TSPAN11: variants seen among roughly 807,000 people sequenced by gnomAD.
TSPAN11 encodes tetraspanin 11, also known as tetraspanin-11.
In TSPAN11, 29 loss-of-function variants were observed where a neutral mutation model predicts 32.9. That is an observed-to-expected ratio of 0.88 (90% CI 0.66 to 1.20). The LOEUF is 1.20. TSPAN11 is among the 50% of genes most tolerant of loss of function. The pLI, the probability that TSPAN11 is intolerant of heterozygous loss-of-function variation, is 0.00. For missense variants in TSPAN11, 283 were observed against 329.1 expected, an observed-to-expected ratio of 0.86 and a Z score of 1.08; for synonymous variants, 140 against 141.3, an observed-to-expected ratio of 0.99 and a Z score of 0.07.
intron 7 of TSPAN11, among the ~76,000 whole-genome samples, chr12:30,986,444 C>A (rs1419029793): frequency 1.3e-5 from 2 of 152,218 alleles, no homozygotes; most frequent in Non-Finnish European, 2.9e-5. Flanking sequence ...AGTACATAAA[C>A]CATAGGAGGT....
At chr12:30,976,642 C>T (rs1266165623) in intron 3 of TSPAN11, among the ~76,000 whole-genome samples, 4 of 152,170 alleles carry the variant, frequency 2.6e-5, no homozygotes, top group African/African-American at 9.7e-5. Flanking sequence ...GTGGAAAGTC[C>T]GTAGGGCAGA....
At chr12:30,944,179 T>C (rs1431817776) in intron 1 of TSPAN11, among the ~76,000 whole-genome samples, 7 of 152,198 alleles carry the variant, frequency 4.6e-5, no homozygotes, top group African/African-American at 7.2e-5. Context: ...ATATATACAT[T>C]GTGGAATGAC....
intron 7 of TSPAN11, chr12:30,988,519 G>GTGGAGGTTA: frequency 6.6e-6 from 1 of 152,162 alleles, no homozygotes; most frequent in Non-Finnish European, 1.5e-5. Flanking sequence ...AACCCGGGAG[G>GTGGAGGTTA]TGGAGGTTAC....
At chr12:30,954,137 GT>G (rs770526037) in intron 2 of TSPAN11, 62 bp downstream of exon 2, 3 of 1,256,606 alleles carry the variant, frequency 2.4e-6, no homozygotes, top group Admixed American at 1.7e-5. Flanking sequence ...GCCACCTTTT[GT>G]TTTTTTGTGT....
intron 1 of TSPAN11, among the ~76,000 whole-genome samples, chr12:30,933,516 G>C (rs564300352): frequency 6.6e-6 from 1 of 152,320 alleles, no homozygotes; most frequent in South Asian, 2.1e-4. Context: ...TGGGGATGGG[G>C]AAGGGGAGGA....
At chr12:30,979,725 G>T in intron 5 of TSPAN11, 55 bp downstream of exon 5, 2 of 1,580,458 alleles carry the variant, frequency 1.3e-6, no homozygotes, top group Middle Eastern at 1.7e-4. Context: ...TTCAAATCCC[G>T]ACTGTTCTTT....
chr12:30,968,344 C>T (rs1247060730), intron 3 of TSPAN11, among the ~76,000 whole-genome samples: 3 of 152,240 alleles, frequency 2.0e-5, no homozygotes, highest in Non-Finnish European at 4.4e-5. Context: ...GATGTCTGTC[C>T]TGGCACAGCC....
chr12:30,934,889 T>C (rs577762497), intron 1 of TSPAN11, among the ~76,000 whole-genome samples: 1 of 152,184 alleles, frequency 6.6e-6, no homozygotes, highest in Admixed American at 6.5e-5. Flanking sequence ...GAGAGGGACC[T>C]CCTGAATCTA....
intron 1 of TSPAN11, among the ~76,000 whole-genome samples, chr12:30,943,405 C>T (rs1938206362): frequency 6.6e-6 from 1 of 152,210 alleles, no homozygotes; most frequent in Non-Finnish European, 1.5e-5. Flanking sequence ...GATGATGATT[C>T]CATCATGGGA....
At chr12:30,998,468 A>G (rs1043338320), downstream of TSPAN11, among the ~76,000 whole-genome samples, 1 of 152,220 alleles carries the variant, frequency 6.6e-6, no homozygotes, top group Non-Finnish European at 1.5e-5. Flanking sequence ...TGGGGCAAAG[A>G]GCCATTTTCT....
downstream of TSPAN11, among the ~76,000 whole-genome samples, chr12:30,999,471 G>A (rs147972925): frequency 9.5e-4 from 144 of 152,290 alleles, 1 homozygote; most frequent in East Asian, 0.022. Context: ...AACGTGCTCA[G>A]AACAATTACA....
At chr12:30,983,723 C>T (rs1277422154) in intron 7 of TSPAN11, among the ~76,000 whole-genome samples, 1 of 152,166 alleles carries the variant, frequency 6.6e-6, no homozygotes, top group African/African-American at 2.4e-5. Context: ...ACTGAACAAC[C>T]TTGTCATCAT....
chr12:30,989,015 G>C (rs1939259257), intron 7 of TSPAN11, among the ~76,000 whole-genome samples: 1 of 152,220 alleles, frequency 6.6e-6, no homozygotes, highest in Non-Finnish European at 1.5e-5. Context: ...TCACATCAGC[G>C]TCCTGGGAGC....
chr12:30,934,551 G>T (rs1272655667), intron 1 of TSPAN11, among the ~76,000 whole-genome samples: 3 of 152,078 alleles, frequency 2.0e-5, no homozygotes, highest in African/African-American at 7.2e-5. Flanking sequence ...CATCAAGTTT[G>T]TCAAACCTCT....
At chr12:30,953,743 G>A (rs1305639896) in intron 1 of TSPAN11, among the ~76,000 whole-genome samples, 1 of 152,216 alleles carries the variant, frequency 6.6e-6, no homozygotes, top group African/African-American at 2.4e-5. Context: ...TTAGACCTTT[G>A]TCAAGAGGAC....
chr12:30,963,751 C>G, intron 2 of TSPAN11, 75 bp from the exon 3 acceptor site: 1 of 1,506,902 alleles, frequency 6.6e-7, no homozygotes, highest in Non-Finnish European at 9.0e-7. Context: ...GTGCCTGGCA[C>G]CCTGTGGGCA....
downstream of TSPAN11, among the ~76,000 whole-genome samples, chr12:31,000,213 G>A (rs111634167): frequency 0.012 from 1,774 of 152,274 alleles, 42 homozygotes; most frequent in African/African-American, 0.041. Flanking sequence ...ATTGAGTGCT[G>A]CTGCTGAGCT....
chr12:30,983,461 G>A (rs981180204), intron 7 of TSPAN11, among the ~76,000 whole-genome samples: 5 of 152,182 alleles, frequency 3.3e-5, no homozygotes, highest in Non-Finnish European at 5.9e-5. Flanking sequence ...GGGGGTGAGC[G>A]TGCAAGCCAT....
Position 30,936,937 on chromosome 12 carries a change from C to T in TSPAN11, c.-12+10141C>T, listed in dbSNP as rs571630277. 9.2e-5 allele frequency among the ~76,000 whole-genome samples: 14 copies of T among 152,138 alleles called. No homozygotes were observed. The South Asian group carries it at 2.7e-3, about 29-fold the overall frequency. On this transcript the variant is annotated intron_variant, in intron 1 of 7. Coordinates refer to ENST00000546076, the MANE Select transcript of TSPAN11 (RefSeq NM_001370302.1). ...TTAAAGGTGTAAACCAGGAAGAGGA[C>T]GAGTCGATGAGGCCAAGGAAGAAAG...
Sources: gnomAD v4.1 joint callset for allele counts (sites outside exome capture counted in the v4.1 genomes callset) on GRCh38, gnomAD v4.1.1 for gene constraint, MANE v1.5 for transcripts, NCBI Gene and HGNC (gene_info 2026-07-23, HGNC 2026-07-21) for gene names.